Variants in SH3RF3 observed in about 807,000 individuals in gnomAD.
SH3RF3 encodes SH3 domain containing ring finger 3.
SH3RF3 carries 29 observed loss-of-function variants against 66.3 expected under a neutral mutation model. That is an observed-to-expected ratio of 0.44 (90% CI 0.33 to 0.60). The LOEUF (loss-of-function observed/expected upper bound fraction) is 0.60. Among genes scored for constraint, SH3RF3 ranks in the 20% least tolerant of loss-of-function variants. The pLI is 0.04. For missense variants in SH3RF3, 1,194 were observed against 1,190.9 expected, an observed-to-expected ratio of 1.00 and a Z score of -0.04; for synonymous variants, 583 against 532.0, an observed-to-expected ratio of 1.10 and a Z score of -1.32.
chr2:109,165,571 G>C (rs1677600651), intron 1 of SH3RF3, among the ~76,000 whole-genome samples: 1 of 152,206 alleles, frequency 6.6e-6, no homozygotes, highest in African/African-American at 2.4e-5. Flanking sequence ...TGTGTGGCCA[G>C]CAAAACCCAG....
chr2:109,239,624 A>G (rs1679732755), intron 1 of SH3RF3, among the ~76,000 whole-genome samples: 1 of 152,174 alleles, frequency 6.6e-6, no homozygotes, highest in African/African-American at 2.4e-5. Context: ...ATCATCCAGG[A>G]TAACAGGGAG....
At chr2:109,175,020 C>T (rs1195267002) in intron 1 of SH3RF3, among the ~76,000 whole-genome samples, 1 of 152,186 alleles carries the variant, frequency 6.6e-6, no homozygotes, top group African/African-American at 2.4e-5. Flanking sequence ...TGTCTTTTGG[C>T]TTCCTTGAGT....
intron 3 of SH3RF3, among the ~76,000 whole-genome samples, chr2:109,375,462 C>T (rs1311205196): frequency 6.6e-6 from 1 of 152,236 alleles, no homozygotes; most frequent in Non-Finnish European, 1.5e-5. Context: ...GTGGGCCTGG[C>T]CTCTCACCCT....
intron 1 of SH3RF3, among the ~76,000 whole-genome samples, chr2:109,297,273 A>G (rs1181560382): frequency 6.6e-6 from 1 of 152,090 alleles, no homozygotes; most frequent in Non-Finnish European, 1.5e-5. Flanking sequence ...GTTAATACAA[A>G]TGCTGTACGT....
intron 7 of SH3RF3, among the ~76,000 whole-genome samples, chr2:109,444,660 C>G (rs1403495761): frequency 6.6e-6 from 1 of 152,196 alleles, no homozygotes; most frequent in Non-Finnish European, 1.5e-5. Context: ...AGGACCAGAA[C>G]TCCAAGAAGC....
intron 4 of SH3RF3, among the ~76,000 whole-genome samples, chr2:109,408,296 A>AG (rs1190371671): frequency 6.6e-6 from 1 of 152,180 alleles, no homozygotes; most frequent in Non-Finnish European, 1.5e-5. Flanking sequence ...CAGGCCACTG[A>AG]GGTCGGTGTC....
intron 5 of SH3RF3, among the ~76,000 whole-genome samples, chr2:109,424,486 T>TC (rs1676978944): frequency 6.6e-6 from 1 of 151,920 alleles, no homozygotes; most frequent in Non-Finnish European, 1.5e-5. Context: ...GCATTTTTTT[T>TC]ACAAATTGAA....
At chr2:109,342,677 A>T (rs1682581820) in intron 1 of SH3RF3, among the ~76,000 whole-genome samples, 1 of 152,184 alleles carries the variant, frequency 6.6e-6, no homozygotes. Context: ...GGCTTGCCTG[A>T]GAGTCCCAAC....
intron 1 of SH3RF3, among the ~76,000 whole-genome samples, chr2:109,139,621 A>G (rs1474733967): frequency 6.6e-6 from 1 of 152,216 alleles, no homozygotes; most frequent in Non-Finnish European, 1.5e-5. Context: ...TCGGTTTGAC[A>G]AACTAAGCTT....
intron 6 of SH3RF3, among the ~76,000 whole-genome samples, chr2:109,434,824 C>A (rs1677354574): frequency 1.3e-5 from 2 of 152,248 alleles, no homozygotes; most frequent in Admixed American, 1.3e-4. Flanking sequence ...ATACCATGTT[C>A]ATATACGAGG....
chr2:109,398,529 G>A, intron 3 of SH3RF3, 61 bp from the exon 4 acceptor site: 1 of 1,410,068 alleles, frequency 7.1e-7, no homozygotes, highest in Non-Finnish European at 9.6e-7. Context: ...AGAGTGCAGA[G>A]GGCTGGTGTG....
At chr2:109,339,414 C>T (rs764510302) in intron 1 of SH3RF3, among the ~76,000 whole-genome samples, 1 of 152,174 alleles carries the variant, frequency 6.6e-6, no homozygotes, top group Non-Finnish European at 1.5e-5. Context: ...TCTCTTCCCT[C>T]CTGTCCTCTT....
chr2:109,401,676 C>T (rs1458462762), intron 4 of SH3RF3, among the ~76,000 whole-genome samples: 1 of 152,218 alleles, frequency 6.6e-6, no homozygotes, highest in African/African-American at 2.4e-5. Context: ...GCCACTTTCC[C>T]ACAGGCCCCT....
intron 2 of SH3RF3, among the ~76,000 whole-genome samples, chr2:109,358,303 A>C (rs190505257): frequency 6.6e-6 from 1 of 152,180 alleles, no homozygotes; most frequent in Non-Finnish European, 1.5e-5. Context: ...CACCTACTAA[A>C]CGACATCTTG....
chr2:109,172,827 G>A (rs1317045888), intron 1 of SH3RF3, among the ~76,000 whole-genome samples: 4 of 152,212 alleles, frequency 2.6e-5, no homozygotes, highest in Admixed American at 1.3e-4. Context: ...ACGAAGCCTC[G>A]ACTGGTGAGT....
chr2:109,418,506 G>A (rs1489979657), intron 4 of SH3RF3, among the ~76,000 whole-genome samples: 1 of 152,082 alleles, frequency 6.6e-6, no homozygotes, highest in Non-Finnish European at 1.5e-5. Context: ...TCGGCTTGTG[G>A]ATGCATCACT....
chr2:109,190,389 G>T (rs921767908), intron 1 of SH3RF3, among the ~76,000 whole-genome samples: 3 of 152,218 alleles, frequency 2.0e-5, no homozygotes, highest in African/African-American at 7.2e-5. Flanking sequence ...GGCCAGGCTG[G>T]TCTCAAATTC....
intron 1 of SH3RF3, among the ~76,000 whole-genome samples, chr2:109,282,475 A>G (rs147734407): frequency 1.3e-5 from 2 of 152,272 alleles, no homozygotes; most frequent in Non-Finnish European, 2.9e-5. Flanking sequence ...CACTGCAGGA[A>G]GGCCCGAGGG....
chr2:109,424,429 C>G (rs1019545876), intron 5 of SH3RF3, among the ~76,000 whole-genome samples: 11 of 152,192 alleles, frequency 7.2e-5, no homozygotes, highest in Non-Finnish European at 1.2e-4. Flanking sequence ...GAAACACAGG[C>G]AAACCTCATT....
Sources: gnomAD v4.1 joint callset for allele counts (sites outside exome capture counted in the v4.1 genomes callset) on GRCh38, gnomAD v4.1.1 for gene constraint, MANE v1.5 for transcripts, NCBI Gene and HGNC (gene_info 2026-07-23, HGNC 2026-07-21) for gene names.